The following SMARCA2 variants were observed in gnomAD, a reference collection of about 807,000 sequenced individuals.
The protein encoded by SMARCA2 is SWI/SNF-related matrix-associated actin-dependent regulator of chromatin subfamily A member 2.
Under a neutral mutation model 199.8 loss-of-function variants are expected in SMARCA2, and 61 were observed. The ratio of observed to expected loss-of-function variants is 0.31; its 90% CI spans 0.25 to 0.38. The LOEUF (loss-of-function observed/expected upper bound fraction) is 0.38. SMARCA2 is among the 10% of genes least tolerant of loss of function. The pLI is 1.00. For missense variants in SMARCA2, 1,344 were observed against 2,012.2 expected (o/e 0.67, Z 6.35); for synonymous variants, 935 against 732.0 (o/e 1.28, Z -4.48).
intron 27 of SMARCA2, among the ~76,000 whole-genome samples, chr9:2,148,481 T>G (rs1412232313): frequency 4.0e-5 from 6 of 151,294 alleles, no homozygotes; most frequent in East Asian, 1.9e-4. Context: ...ATGTTTTCTT[T>G]TTTTTATTAT....
intron 27 of SMARCA2, among the ~76,000 whole-genome samples, chr9:2,130,497 C>T (rs1053126629): frequency 1.7e-4 from 26 of 152,298 alleles, no homozygotes; most frequent in African/African-American, 6.3e-4. Flanking sequence ...CAACTTTATC[C>T]TAATTCTGCT....
rs550449864 is a variant in SMARCA2 at position 2,141,143 on chromosome 9, A to G, written c.3981+17206A>G. Among the ~76,000 whole-genome samples, 9 of 145,704 alleles carry G rather than the reference A, an allele frequency of 6.2e-5. No individual in the cohort carries two copies. The South Asian group carries it at 1.8e-3, about 30-fold the overall frequency. On this transcript the variant is annotated intron_variant, in intron 27 of 33. Transcript: ENST00000349721. ...GAATTCTTAATCCAAATTTATTCCC[A>G]TAGGATTTTCAGGACTTTTCCTGAG...
Position 2,039,483 on chromosome 9 carries a change from C to T in SMARCA2, c.373C>T (p.Pro125Ser), listed in dbSNP as rs755042247. ...TATTTTAGGTTATATGTCACCACACCCATCTCCATTAGGAGCCCCAGAGCA... is the reference window on the plus strand; with the variant it reads ...TATTTTAGGTTATATGTCACCACACTCATCTCCATTAGGAGCCCCAGAGCA... The part of the protein sequence containing the change: ...QHSQGYMSPH[P>S]SPLGAPEHVS... Residue 125 changes from proline to serine, a missense_variant, in exon 4 of 34, where the codon CCA becomes TCA. Pro to Ser is a moderately conservative substitution (Grantham distance 74, BLOSUM62 -1). Coordinates refer to ENST00000349721, the MANE Select transcript of SMARCA2 (RefSeq NM_003070.5). This position sits in a 1 kb window ranked among gnomAD's most constrained non-coding sequence, Gnocchi z 4.8. 1 of 1,613,726 alleles carries T rather than the reference C, an allele frequency of 6.2e-7. No homozygotes were observed.
intron 27 of SMARCA2, among the ~76,000 whole-genome samples, chr9:2,126,012 A>G (rs1823676769): frequency 6.6e-6 from 1 of 152,230 alleles, no homozygotes; most frequent in Non-Finnish European, 1.5e-5. Flanking sequence ...CCTGATGAGT[A>G]GCACAGTGCC....
At chr9:2,141,156 GA>G (rs1824443392) in intron 27 of SMARCA2, among the ~76,000 whole-genome samples, 1 of 129,260 alleles carries the variant, frequency 7.7e-6, no homozygotes, top group Admixed American at 7.8e-5. Flanking sequence ...GGATTTTCAG[GA>G]CTTTTCCTGA....
Position 2,161,461 on chromosome 9 carries a change from T to C in SMARCA2, c.3982-225T>C, listed in dbSNP as rs992257961. On this transcript the variant is annotated intron_variant, in intron 27 of 33. Coordinates refer to ENST00000349721, the MANE Select transcript of SMARCA2 (RefSeq NM_003070.5). This position sits in a 1 kb window ranked among gnomAD's most constrained non-coding sequence, Gnocchi z 4.7. ...TACTGTGAGTGTTTTGGGCCTTCAG[T>C]GTGTTTTGCTCATGAAACAGACTTG... Among the ~76,000 whole-genome samples the C allele has an allele frequency of 6.6e-6, 1 of 152,222 alleles. No homozygotes were observed. Among genetic ancestry groups the C allele is most frequent in the Non-Finnish European group, 1.5e-5 (1 of 68,034 alleles).
At chr9:2,068,417 G>A (rs1382213682) in intron 9 of SMARCA2, among the ~76,000 whole-genome samples, 3 of 151,982 alleles carry the variant, frequency 2.0e-5, no homozygotes, top group African/African-American at 7.3e-5. Flanking sequence ...ATACATACAT[G>A]TATTTTTGGT....
At chr9:2,027,823 CA>C in intron 1 of SMARCA2, 1 of 152,288 alleles carries the variant, frequency 6.6e-6, no homozygotes, top group South Asian at 2.1e-4. Flanking sequence ...GTGAGGCTGA[CA>C]GCAAAAAGTT....
chr9:2,039,747 C>G lies in SMARCA2; in HGVS notation c.637C>G (p.Pro213Ala). The G allele has an allele frequency of 6.2e-7, 1 of 1,613,896 alleles. No individual in the cohort carries two copies. The highest frequency in any genetic ancestry group is 8.5e-7 in the Non-Finnish European group (1 of 1,179,994). The change falls in exon 4 of 34, where the codon CCT becomes GCT. Residue 213 changes from proline (P) to alanine (A), a missense_variant. Transcript: ENST00000349721. This position sits in a 1 kb window ranked among gnomAD's most constrained non-coding sequence, Gnocchi z 4.8. ...TGCAGTCCAGGGGAAAAGGACGTTG[C>G]CTGGCTTGCAGCAACAACAGCAGCA... ...QLAVQGKRTLPGLQQQQQQQQ... is the reference protein window; with the variant it reads ...QLAVQGKRTLAGLQQQQQQQQ...
chr9:2,104,012 G>A lies in SMARCA2; in HGVS notation c.3135G>A (p.Leu1045=), dbSNP rs756712773. 2 of 1,614,008 alleles carry A rather than the reference G, an allele frequency of 1.2e-6. No individual in the cohort carries two copies. Among genetic ancestry groups the A allele is most frequent in the Non-Finnish European group, 8.5e-7 (1 of 1,179,942 alleles). ...ATTTTTTTGGGTTCAGGGCTGAACT[G>A]TATCGGGCCTCAGGGAAGTTTGAGC... ...YSNGVINGAE[L]YRASGKFELL... Residue 1045 remains leucine (L), a synonymous_variant, in exon 23 of 34, where the codon CTG becomes CTA. Transcript: ENST00000349721. This position sits in a 1 kb window ranked among gnomAD's most constrained non-coding sequence, Gnocchi z 4.0.
chr9:2,143,363 T>A (rs1824557490), intron 27 of SMARCA2, among the ~76,000 whole-genome samples: 1 of 152,232 alleles, frequency 6.6e-6, no homozygotes, highest in South Asian at 2.1e-4. Flanking sequence ...GAATCTGGGC[T>A]TTATTCTATT....
intron 27 of SMARCA2, among the ~76,000 whole-genome samples, chr9:2,140,338 G>T (rs935907181): frequency 2.6e-5 from 4 of 152,124 alleles, no homozygotes; most frequent in Non-Finnish European, 2.9e-5. Flanking sequence ...TATATCATTT[G>T]AAGGCACAGG....
At chr9:2,057,115 T>TA (rs528970087) in intron 7 of SMARCA2, among the ~76,000 whole-genome samples, 301 of 152,300 alleles carry the variant, frequency 2.0e-3, no homozygotes, top group African/African-American at 7.1e-3. Flanking sequence ...TGGGCTGCTA[T>TA]AAAAAAATAG....
intron 10 of SMARCA2, 40 bp from the exon 11 acceptor site, chr9:2,073,172 C>T: frequency 1.2e-6 from 2 of 1,612,424 alleles, no homozygotes; most frequent in Non-Finnish European, 1.7e-6. Context: ...GGGGGAAGGT[C>T]TTAACATGAA....
At chr9:2,173,657 T>G (rs568210185) in intron 29 of SMARCA2, among the ~76,000 whole-genome samples, 168 of 152,290 alleles carry the variant, frequency 1.1e-3, no homozygotes, top group African/African-American at 3.8e-3. Context: ...CATGAGCATT[T>G]CATGATGCTT....
At chr9:2,168,255 C>G (rs576252611) in intron 28 of SMARCA2, among the ~76,000 whole-genome samples, 1 of 152,242 alleles carries the variant, frequency 6.6e-6, no homozygotes, top group South Asian at 2.1e-4. Flanking sequence ...AGGTGATCTG[C>G]CTTTCTCAGC....
intron 28 of SMARCA2, among the ~76,000 whole-genome samples, chr9:2,162,241 AT>A (rs78195300): frequency 0.19 from 28,958 of 151,958 alleles, 2,735 homozygotes; most frequent in South Asian, 0.27. Flanking sequence ...GAGTAATATT[AT>A]TTTTTTTAAT....
intron 27 of SMARCA2, among the ~76,000 whole-genome samples, chr9:2,138,195 CAGAT>C (rs1824298918): frequency 6.7e-6 from 1 of 150,364 alleles, no homozygotes; most frequent in Non-Finnish European, 1.5e-5. Flanking sequence ...AAAAAAAAAA[CAGAT>C]AAATACATCT....
chr9:2,140,787 T>C (rs1293961536), intron 27 of SMARCA2, among the ~76,000 whole-genome samples: 4 of 152,224 alleles, frequency 2.6e-5, no homozygotes, highest in Non-Finnish European at 4.4e-5. Flanking sequence ...AGCTCTTTTG[T>C]AGTAGCTTCA....
Sources: gnomAD v4.1 joint callset for allele counts (sites outside exome capture counted in the v4.1 genomes callset) on GRCh38, gnomAD v4.1.1 for gene constraint, Gnocchi (gnomAD v3.1) non-coding constraint, MANE v1.5 for transcripts, NCBI Gene and HGNC (gene_info 2026-07-23, HGNC 2026-07-21) for gene names.